STIM1: variants seen among roughly 807,000 people sequenced by gnomAD.
STIM1 encodes stromal interaction molecule 1.
In STIM1, 25 loss-of-function variants were observed where a neutral mutation model predicts 74.7. The observed-to-expected ratio is 0.33, with a 90% CI of 0.24 to 0.47. The LOEUF is 0.47. Ranked by LOEUF, STIM1 falls within the 20% of genes least tolerant of loss-of-function variation. The pLI, the probability that STIM1 is intolerant of heterozygous loss-of-function variation, is 1.00. For missense variants in STIM1, 728 were observed against 920.8 expected (o/e 0.79, Z 2.71); for synonymous variants, 328 against 348.8 (o/e 0.94, Z 0.66).
intron 2 of STIM1, among the ~76,000 whole-genome samples, chr11:3,972,083 C>T (rs1428408953): frequency 6.6e-6 from 1 of 152,122 alleles, no homozygotes; most frequent in African/African-American, 2.4e-5. Context: ...GCTTCATTTC[C>T]TTGGGTTCTG....
At chr11:3,920,516 A>T (rs1023674767) in intron 1 of STIM1, among the ~76,000 whole-genome samples, 1 of 152,042 alleles carries the variant, frequency 6.6e-6, no homozygotes, top group African/African-American at 2.4e-5. Context: ...CTTTTCTGTG[A>T]TACTTTTTTT....
chr11:3,922,167 T>C (rs1590567805), intron 1 of STIM1, among the ~76,000 whole-genome samples: 1 of 152,302 alleles, frequency 6.6e-6, no homozygotes, highest in South Asian at 2.1e-4. Flanking sequence ...TGTCTGACCT[T>C]CTTTTCAACA....
intron 2 of STIM1, among the ~76,000 whole-genome samples, chr11:4,017,836 G>T (rs957857871): frequency 3.3e-5 from 5 of 152,170 alleles, no homozygotes; most frequent in Non-Finnish European, 5.9e-5. Flanking sequence ...ACCACCATTA[G>T]CTCATGTTAT....
chr11:3,998,867 G>A (rs1322738360), intron 2 of STIM1, among the ~76,000 whole-genome samples: 3 of 152,160 alleles, frequency 2.0e-5, no homozygotes, highest in Admixed American at 2.0e-4. Flanking sequence ...TTTGGTCAAG[G>A]AGCATGAAAT....
chr11:4,063,635 A>G (rs746024964), intron 5 of STIM1, among the ~76,000 whole-genome samples: 1 of 152,190 alleles, frequency 6.6e-6, no homozygotes, highest in Non-Finnish European at 1.5e-5. Context: ...AGTGGCCTCA[A>G]ACTGAACTTG....
intron 2 of STIM1, 50 bp from the exon 3 acceptor site, chr11:4,023,823 C>T (rs752327153): frequency 1.9e-5 from 27 of 1,456,312 alleles, no homozygotes; most frequent in Admixed American, 1.0e-4. Context: ...GAGATCTTGA[C>T]GGGCTGACTC....
At chr11:3,959,708 G>GT (rs2093264047) in intron 1 of STIM1, among the ~76,000 whole-genome samples, 1 of 152,170 alleles carries the variant, frequency 6.6e-6, no homozygotes, top group Admixed American at 6.5e-5. Flanking sequence ...AGGACTTTGT[G>GT]TTTTTTTCTG....
At chr11:3,993,720 A>G (rs1050891862) in intron 2 of STIM1, among the ~76,000 whole-genome samples, 7 of 152,152 alleles carry the variant, frequency 4.6e-5, no homozygotes, top group Non-Finnish European at 1.5e-5. Flanking sequence ...ACTTCATGTT[A>G]TCAAAGAGAC....
At chr11:4,073,568 T>G (rs998842256) in intron 6 of STIM1, among the ~76,000 whole-genome samples, 7 of 152,198 alleles carry the variant, frequency 4.6e-5, no homozygotes. Flanking sequence ...GCACAGGGCT[T>G]GGCACTTAGT....
chr11:4,004,458 C>G (rs974289795), intron 2 of STIM1, among the ~76,000 whole-genome samples: 1 of 150,586 alleles, frequency 6.6e-6, no homozygotes, highest in African/African-American at 2.4e-5. Context: ...TGATCTTTGA[C>G]AAACCTGAGA....
chr11:3,944,198 G>A (rs1452048), intron 1 of STIM1, among the ~76,000 whole-genome samples: 2 of 152,114 alleles, frequency 1.3e-5, no homozygotes, highest in African/African-American at 2.4e-5. Flanking sequence ...CTATGCAGAC[G>A]TGAGATAATG....
intron 1 of STIM1, chr11:3,947,464 G>A (rs1283322513): frequency 6.6e-6 from 1 of 152,158 alleles, no homozygotes; most frequent in African/African-American, 2.4e-5. Flanking sequence ...TAACGAGGGA[G>A]GCTTTCTGGC....
chr11:4,076,561 C>G (rs1372593765), intron 7 of STIM1, among the ~76,000 whole-genome samples: 1 of 149,972 alleles, frequency 6.7e-6, no homozygotes, highest in East Asian at 2.0e-4. Flanking sequence ...AAATCCTTCC[C>G]TATCCCCAAG....
intron 2 of STIM1, among the ~76,000 whole-genome samples, chr11:3,974,740 G>T (rs2093430071): frequency 6.6e-6 from 1 of 152,028 alleles, no homozygotes; most frequent in African/African-American, 2.4e-5. Flanking sequence ...TGCAGAGCTG[G>T]CAGGGAGTTC....
intron 7 of STIM1, among the ~76,000 whole-genome samples, chr11:4,076,485 CAAAAAAAAAAAAAAAAAA>C (rs58804386): frequency 2.5e-5 from 1 of 40,756 alleles, no homozygotes; most frequent in Non-Finnish European, 4.0e-5. Flanking sequence ...GACTCCATCT[CAAAAAAAAAAAAAAAAAA>C]AAAAAAAAAA....
chr11:3,915,443 G>T (rs978134310), intron 1 of STIM1, among the ~76,000 whole-genome samples: 1 of 151,104 alleles, frequency 6.6e-6, no homozygotes, highest in Non-Finnish European at 1.5e-5. Context: ...TGTCGCCCAG[G>T]CTGGAGTGCA....
rs75441889 is a variant in STIM1 at position 4,024,296 on chromosome 11, T to G, written c.385+309T>G. On this transcript the variant is annotated intron_variant, in intron 3 of 12. Transcript: ENST00000526596. ...GGTTCTGCTGCTTTATCTCCAGAGA[T>G]AGGGAGCTTGCTGGTCTCTTGAGGC... is the stretch of plus-strand genomic sequence containing the variant. 0.042 allele frequency among the ~76,000 whole-genome samples: 6,383 copies of G among 152,222 alleles called. 416 individuals carry two copies. The highest frequency in any genetic ancestry group is 0.14 in the African/African-American group (5,751 of 41,516).
chr11:4,034,677 C>A (rs2094084331), intron 3 of STIM1, among the ~76,000 whole-genome samples: 1 of 152,050 alleles, frequency 6.6e-6, no homozygotes, highest in Admixed American at 6.6e-5. Flanking sequence ...TTGAAGAGTT[C>A]ATGTAGAATT....
intron 12 of STIM1, chr11:4,088,627 G>GGGA: frequency 1.4e-6 from 2 of 1,381,780 alleles, no homozygotes; most frequent in Non-Finnish European, 2.0e-6. Context: ...GAGGGCAGTG[G>GGGA]GGAGGAAGGG....
Sources: gnomAD v4.1 joint callset for allele counts (sites outside exome capture counted in the v4.1 genomes callset) on GRCh38, gnomAD v4.1.1 for gene constraint, MANE v1.5 for transcripts, NCBI Gene and HGNC (gene_info 2026-07-23, HGNC 2026-07-21) for gene names.